Variants in TBC1D15 observed in about 807,000 individuals in gnomAD.
TBC1D15 encodes the protein GAP for RAB7.
Under a neutral mutation model 95.4 loss-of-function variants are expected in TBC1D15, and 39 were observed. The ratio of observed to expected loss-of-function variants is 0.41; its 90% CI spans 0.32 to 0.53. The LOEUF is 0.53. TBC1D15 is among the 20% of genes least tolerant of loss of function. The pLI, the probability that TBC1D15 is intolerant of heterozygous loss-of-function variation, is 0.29. For synonymous variants in TBC1D15, 258 were observed against 261.3 expected (o/e 0.99, Z 0.12); for missense variants, 733 against 794.3 (o/e 0.92, Z 0.93).
chr12:71,869,339 G>A (rs1227916072), intron 1 of TBC1D15, among the ~76,000 whole-genome samples: 1 of 152,084 alleles, frequency 6.6e-6, no homozygotes, highest in Non-Finnish European at 1.5e-5. Context: ...CGTGGCCAAC[G>A]TGGTGAAACC....
intron 1 of TBC1D15, among the ~76,000 whole-genome samples, chr12:71,857,695 T>C (rs1889408935): frequency 1.3e-5 from 2 of 152,246 alleles, no homozygotes; most frequent in Non-Finnish European, 1.5e-5. Flanking sequence ...TTATTCTTTG[T>C]GTTAGAAGCA....
intron 13 of TBC1D15, 110 bp from the exon 14 acceptor site, chr12:71,918,341 A>G (rs1904189890): frequency 1.2e-5 from 7 of 605,740 alleles, no homozygotes; most frequent in Non-Finnish European, 2.0e-5. Context: ...AGACAAATGT[A>G]TAGGGCCTTG....
At chr12:71,845,624 G>T (rs1334056111) in intron 1 of TBC1D15, among the ~76,000 whole-genome samples, 1 of 152,154 alleles carries the variant, frequency 6.6e-6, no homozygotes, top group Non-Finnish European at 1.5e-5. Context: ...CATTTCCTGG[G>T]GATGCTTTCT....
chr12:71,907,168 G>T (rs761066281), intron 11 of TBC1D15, 30 bp downstream of exon 11: 8 of 1,326,990 alleles, frequency 6.0e-6, no homozygotes, highest in Non-Finnish European at 7.4e-6. Context: ...AATTTTAAAA[G>T]ATGTAAATAT....
chr12:71,839,905 T>C (rs1228962664), intron 1 of TBC1D15, 94 bp downstream of exon 1: 10 of 1,493,538 alleles, frequency 6.7e-6, no homozygotes, highest in East Asian at 2.3e-5. Flanking sequence ...CACGAGGGAC[T>C]TTCTGTGTCC....
chr12:71,847,829 G>A (rs933093078), intron 1 of TBC1D15, among the ~76,000 whole-genome samples: 1 of 152,116 alleles, frequency 6.6e-6, no homozygotes, highest in African/African-American at 2.4e-5. Context: ...CAGGTGCCGT[G>A]GCTCACACCT....
At chr12:71,891,033 A>G (rs1474922693) in intron 5 of TBC1D15, among the ~76,000 whole-genome samples, 1 of 152,176 alleles carries the variant, frequency 6.6e-6, no homozygotes, top group Non-Finnish European at 1.5e-5. Flanking sequence ...AAACAGCACC[A>G]ACCATTTAAA....
intron 1 of TBC1D15, among the ~76,000 whole-genome samples, chr12:71,862,973 T>A (rs567703318): frequency 1.0e-3 from 155 of 152,330 alleles, no homozygotes; most frequent in African/African-American, 3.6e-3. Flanking sequence ...TTCTCCCTGA[T>A]TTGTGAAAGA....
At chr12:71,914,860 C>T (rs1002834642) in intron 12 of TBC1D15, among the ~76,000 whole-genome samples, 15 of 151,948 alleles carry the variant, frequency 9.9e-5, no homozygotes, top group Admixed American at 9.8e-4. Flanking sequence ...TCTATTCTTT[C>T]CCTTTTGCTT....
At chr12:71,881,943 AAGG>A (rs1410411124) in intron 4 of TBC1D15, among the ~76,000 whole-genome samples, 2 of 145,914 alleles carry the variant, frequency 1.4e-5, no homozygotes, top group Non-Finnish European at 3.0e-5. Context: ...AAAAAAAGTT[AAGG>A]AGGCATTTTC....
chr12:71,858,803 C>A (rs548918249), intron 1 of TBC1D15, among the ~76,000 whole-genome samples: 2 of 151,972 alleles, frequency 1.3e-5, no homozygotes, highest in Admixed American at 1.3e-4. Context: ...GCCATCTGTC[C>A]GCCTTGGTCT....
At chr12:71,878,770 GC>G (rs1328740685) in intron 3 of TBC1D15, among the ~76,000 whole-genome samples, 1 of 151,348 alleles carries the variant, frequency 6.6e-6, no homozygotes, top group Non-Finnish European at 1.5e-5. Context: ...ACCTGCCTTG[GC>G]CTCCCAAAGT....
Position 71,849,426 on chromosome 12 carries a change from C to G in TBC1D15, c.30+9615C>G, listed in dbSNP as rs1249932278. ...CATGAACATAATTCCTGTAATCAGT[C>G]AAAACACTCCATGGGCCTCTTCAAG... On this transcript the variant is annotated intron_variant, in intron 1 of 16. Coordinates refer to ENST00000485960, the MANE Select transcript of TBC1D15 (RefSeq NM_001146213.3). 9 of 1,204,280 alleles carry G rather than the reference C, an allele frequency of 7.5e-6. No individual in the cohort carries two copies. The East Asian group carries it at 1.4e-4, about 19-fold the overall frequency. 74.6% of individuals were successfully genotyped at this position (1,204,280 alleles called of 1,614,324 possible).
At chr12:71,867,736 A>T (rs115094906) in intron 1 of TBC1D15, among the ~76,000 whole-genome samples, 2,270 of 152,268 alleles carry the variant, frequency 0.015, 58 homozygotes, top group African/African-American at 0.052. Context: ...CAGTCCTCTC[A>T]TTTTGGCCTT....
At chr12:71,895,577 A>G (rs756740653) in intron 7 of TBC1D15, among the ~76,000 whole-genome samples, 1 of 152,080 alleles carries the variant, frequency 6.6e-6, no homozygotes, top group African/African-American at 2.4e-5. Flanking sequence ...ATAATTATAT[A>G]TTCTCTCTTT....
chr12:71,849,729 C>T (rs1367267506), intron 1 of TBC1D15: 23 of 553,554 alleles, frequency 4.2e-5, no homozygotes, highest in Non-Finnish European at 8.0e-5. Context: ...TCGGGGGTCA[C>T]TCCATTTTGA....
chr12:71,891,664 CCTT>C (rs756616653), intron 5 of TBC1D15, among the ~76,000 whole-genome samples: 17 of 152,190 alleles, frequency 1.1e-4, no homozygotes, highest in Admixed American at 2.0e-4. Context: ...TATCTTCCCT[CCTT>C]CTTAGAGCTT....
chr12:71,881,916 CAAAA>C (rs35977474), intron 4 of TBC1D15, among the ~76,000 whole-genome samples: 1 of 53,604 alleles, frequency 1.9e-5, no homozygotes, highest in Non-Finnish European at 3.7e-5. Context: ...GACTCCGTCT[CAAAA>C]AAAAAAAAAA....
At chr12:71,903,210 G>C (rs1218853005) in intron 10 of TBC1D15, among the ~76,000 whole-genome samples, 1 of 152,130 alleles carries the variant, frequency 6.6e-6, no homozygotes, top group Non-Finnish European at 1.5e-5. Flanking sequence ...TACCATGCCT[G>C]GCTGCAGACA....
Sources: gnomAD v4.1 joint callset for allele counts (sites outside exome capture counted in the v4.1 genomes callset) on GRCh38, gnomAD v4.1.1 for gene constraint, MANE v1.5 for transcripts, NCBI Gene and HGNC (gene_info 2026-07-23, HGNC 2026-07-21) for gene names.